DCC: variants seen among roughly 807,000 people sequenced by gnomAD.
The protein encoded by DCC is DCC netrin 1 receptor.
Under a neutral mutation model 172.5 loss-of-function variants are expected in DCC, and 58 were observed. The ratio of observed to expected loss-of-function variants is 0.34; its 90% CI spans 0.27 to 0.42. The LOEUF is 0.42. Ranked by LOEUF, DCC falls within the 10% of genes least tolerant of loss-of-function variation. The pLI is 1.00. For missense variants in DCC, 1,740 were observed against 1,791.0 expected (o/e 0.97, Z 0.51); for synonymous variants, 709 against 644.5 (o/e 1.10, Z -1.52).
At chr18:53,334,038 C>T (rs1599034191) in intron 14 of DCC, among the ~76,000 whole-genome samples, 1 of 152,158 alleles carries the variant, frequency 6.6e-6, no homozygotes, top group South Asian at 2.1e-4. Context: ...TTAAATCTCC[C>T]TTTTCCTGCA....
chr18:52,396,759 C>G (rs1341154077), intron 1 of DCC, among the ~76,000 whole-genome samples: 1 of 151,874 alleles, frequency 6.6e-6, no homozygotes, highest in Non-Finnish European at 1.5e-5. Context: ...GTAAGTTGAA[C>G]CTAGAGTTGA....
chr18:53,056,254 T>A (rs1039558237), intron 5 of DCC, among the ~76,000 whole-genome samples: 1 of 152,058 alleles, frequency 6.6e-6, no homozygotes. Flanking sequence ...TGCCACAGTT[T>A]AAAACCATCA....
chr18:52,988,104 A>G (rs2041323778), intron 5 of DCC, among the ~76,000 whole-genome samples: 1 of 152,232 alleles, frequency 6.6e-6, no homozygotes, highest in South Asian at 2.1e-4. Flanking sequence ...TCCAAAAATA[A>G]ATAATCTGAA....
chr18:53,386,007 A>G, intron 15 of DCC, 36 bp from the exon 16 acceptor site: 1 of 1,327,418 alleles, frequency 7.5e-7, no homozygotes, highest in Non-Finnish European at 1.1e-6. Context: ...CATTAAATAT[A>G]TCAACACGTT....
chr18:52,431,336 G>GA (rs1049205217), intron 1 of DCC, among the ~76,000 whole-genome samples: 10 of 150,554 alleles, frequency 6.6e-5, no homozygotes, highest in African/African-American at 1.7e-4. Context: ...AGAACATTTA[G>GA]AAAAAAAAAG....
Position 53,026,908 on chromosome 18 carries a change from A to G in DCC, c.986-36397A>G, listed in dbSNP as rs115863549. ...GCAAAATTTGAAGAAGTCTATGAAG[A>G]TCTAGAAGGGTATTTCCAATTTCTG... On this transcript the variant is annotated intron_variant, in intron 5 of 28. Coordinates refer to ENST00000442544, the MANE Select transcript of DCC (RefSeq NM_005215.4). 1.9e-3 allele frequency among the ~76,000 whole-genome samples: 293 copies of G among 152,126 alleles called. 2 individuals carry two copies. The highest frequency in any genetic ancestry group is 6.7e-3 in the African/African-American group (277 of 41,478).
At chr18:52,931,785 C>T (rs2040311046) in intron 5 of DCC, 1 of 151,960 alleles carries the variant, frequency 6.6e-6, no homozygotes, top group African/African-American at 2.4e-5. Context: ...TTCTGACTTA[C>T]AGTAATCATC....
At chr18:53,452,376 T>A (rs1412641177) in intron 23 of DCC, among the ~76,000 whole-genome samples, 1 of 152,142 alleles carries the variant, frequency 6.6e-6, no homozygotes, top group Non-Finnish European at 1.5e-5. Context: ...GTTTTTGATT[T>A]GGGTTCCCCC....
chr18:53,278,493 T>C (rs1568408147), intron 12 of DCC, among the ~76,000 whole-genome samples: 2 of 152,132 alleles, frequency 1.3e-5, no homozygotes, highest in Non-Finnish European at 1.5e-5. Flanking sequence ...GGATTACTAT[T>C]GTCTCTGCAT....
intron 1 of DCC, among the ~76,000 whole-genome samples, chr18:52,738,432 A>T (rs1204661050): frequency 6.6e-6 from 1 of 152,202 alleles, no homozygotes; most frequent in African/African-American, 2.4e-5. Context: ...TGTAGGTAAC[A>T]TGATGGTATT....
chr18:52,984,150 G>A (rs1312552756), intron 5 of DCC, among the ~76,000 whole-genome samples: 3 of 152,030 alleles, frequency 2.0e-5, no homozygotes, highest in Admixed American at 2.0e-4. Flanking sequence ...TATAGAAAAT[G>A]ATTTAAAGTA....
intron 7 of DCC, among the ~76,000 whole-genome samples, chr18:53,135,134 T>G (rs2144331131): frequency 6.6e-6 from 1 of 152,188 alleles, no homozygotes; most frequent in East Asian, 1.9e-4. Flanking sequence ...AGACACCCTC[T>G]CTGCACCCTT....
At chr18:52,348,298 C>G (rs1029654643) in intron 1 of DCC, among the ~76,000 whole-genome samples, 2 of 152,104 alleles carry the variant, frequency 1.3e-5, no homozygotes, top group Admixed American at 6.5e-5. Context: ...GGTGCATGTC[C>G]ACCAGCACAA....
chr18:53,470,397 T>C (rs1219248339), intron 25 of DCC, among the ~76,000 whole-genome samples: 3 of 152,184 alleles, frequency 2.0e-5, no homozygotes, highest in African/African-American at 4.8e-5. Context: ...ATCAAGTCTC[T>C]AGGCAATTCC....
intron 1 of DCC, among the ~76,000 whole-genome samples, chr18:52,439,829 G>T (rs137928735): frequency 6.6e-6 from 1 of 152,124 alleles, no homozygotes; most frequent in Non-Finnish European, 1.5e-5. Context: ...CGAGTATTAC[G>T]CATTGCATGC....
rs541689285 is a variant in DCC at position 53,428,228 on chromosome 18, TTA to T, written c.3164-6907_3164-6906del. Among the ~76,000 whole-genome samples the T allele has an allele frequency of 3.9e-4, 11 of 28,278 alleles. 4 individuals carry two copies. Among genetic ancestry groups the T allele is most frequent in the East Asian group, 7.4e-4 (1 of 1,350 alleles). The allele number at this position is 28,278 out of a possible 152,430, so 18.6% of individuals were successfully genotyped here. A position where few individuals can be genotyped will look rare whatever the true frequency, so the allele number is the denominator to read the frequency against. ...TATATATAAGTATATATAATTATAA[TTA>T]TATATATAATTAATTATATATTTAA... On this transcript the variant is annotated intron_variant, in intron 21 of 28. Coordinates refer to ENST00000442544, the MANE Select transcript of DCC (RefSeq NM_005215.4).
intron 1 of DCC, among the ~76,000 whole-genome samples, chr18:52,675,488 A>T (rs2035631737): frequency 6.6e-6 from 1 of 152,152 alleles, no homozygotes; most frequent in African/African-American, 2.4e-5. Flanking sequence ...TATTTCCTAA[A>T]TATATTTAAT....
intron 2 of DCC, among the ~76,000 whole-genome samples, chr18:52,878,949 T>C (rs867143294): frequency 2.0e-5 from 3 of 152,234 alleles, no homozygotes; most frequent in Admixed American, 1.3e-4. Context: ...GTTATCACTT[T>C]ATAATCCTAT....
rs184910353 is a variant in DCC at position 52,665,428 on chromosome 18, A to G, written c.92-86626A>G. On this transcript the variant is annotated intron_variant, in intron 1 of 28. Coordinates refer to ENST00000442544, the MANE Select transcript of DCC (RefSeq NM_005215.4). ...ATGTAATTACATTAAGTTTAATTAC[A>G]TATCATTAATTATATAAAATATTTA... Among the ~76,000 whole-genome samples, 649 of 152,362 alleles carry G rather than the reference A, an allele frequency of 4.3e-3. 10 individuals are homozygous for G. The highest frequency in any genetic ancestry group is 7.5e-3 in the Non-Finnish European group (512 of 68,044).
Sources: allele counts gnomAD v4.1 joint callset (sites outside exome capture counted in the v4.1 genomes callset), GRCh38; gene constraint gnomAD v4.1.1; transcripts MANE v1.5; gene names NCBI Gene and HGNC (gene_info 2026-07-23, HGNC 2026-07-21).